Variants in GBP7 observed in about 807,000 individuals in gnomAD.
GBP7 encodes the protein guanylate binding protein 7.
In GBP7, 43 loss-of-function variants were observed where a neutral mutation model predicts 61.3. The observed-to-expected ratio is 0.70, with a 90% confidence interval of 0.55 to 0.91. The LOEUF is 0.91. Ranked by LOEUF, GBP7 falls within the 40% of genes least tolerant of loss-of-function variation. GBP7 has a pLI of 0.00. For synonymous variants in GBP7, 267 were observed against 271.0 expected (o/e 0.99, Z 0.14); for missense variants, 717 against 740.5 (o/e 0.97, Z 0.37).
rs751524020 is a variant in GBP7, at chr1:89,141,625, G to C, written c.1389C>G (p.Phe463Leu). 2.0e-5 allele frequency: 33 copies of C among 1,613,804 alleles called. No individual in the cohort carries two copies. The highest frequency in any genetic ancestry group is 2.7e-5 in the Non-Finnish European group (32 of 1,179,786). Residue 463 changes from phenylalanine to leucine, a missense_variant, in exon 9 of 11, where the codon TTC (phenylalanine) becomes TTG (leucine). By Grantham distance (22) the Phe-to-Leu change is conservative (BLOSUM62 0). Around this residue, in one of 3 missense-constraint regions of GBP7, gnomAD observed 312 missense variants for 310.1 expected, o/e 1.01. Coordinates refer to ENST00000294671, the MANE Select transcript of GBP7 (RefSeq NM_207398.3). Reference sequence around the variant, plus strand: ...CCTCTATAACCACCTGTGACTGCAGGAAGCTCTGGAGGACCTCGTCTGCCT... The same window carrying C: ...CCTCTATAACCACCTGTGACTGCAGCAAGCTCTGGAGGACCTCGTCTGCCT... Reference protein sequence around the residue: ...GVKADEVLQSFLQSQVVIEES... With the variant: ...GVKADEVLQSLLQSQVVIEES...
At chr1:89,149,667 TC>T in intron 6 of GBP7, 95 bp from the exon 7 acceptor site, 4 of 1,076,002 alleles carry the variant, frequency 3.7e-6, no homozygotes, top group Non-Finnish European at 5.2e-6. Flanking sequence ...CAGAAAAAAT[TC>T]CATTTAACAT....
At chr1:89,167,700 A>G (rs1043408648) in intron 2 of GBP7, among the ~76,000 whole-genome samples, 4 of 152,198 alleles carry the variant, frequency 2.6e-5, no homozygotes, top group African/African-American at 9.6e-5. Context: ...CCATTAGAGC[A>G]TCTGCCACAC....
chr1:89,145,909 C>A (rs1682051493), intron 8 of GBP7, among the ~76,000 whole-genome samples: 3 of 151,728 alleles, frequency 2.0e-5, no homozygotes, highest in Non-Finnish European at 4.4e-5. Context: ...AAAAAATCTA[C>A]AGGTTTACAC....
intron 2 of GBP7, among the ~76,000 whole-genome samples, chr1:89,169,367 G>A (rs1013673397): frequency 2.0e-5 from 3 of 152,126 alleles, no homozygotes; most frequent in African/African-American, 7.2e-5. Flanking sequence ...GACTGTTCTT[G>A]CTGTACTTGT....
intron 8 of GBP7, among the ~76,000 whole-genome samples, chr1:89,144,837 A>T (rs1682030169): frequency 6.6e-6 from 1 of 151,992 alleles, no homozygotes. Flanking sequence ...GGCATCCAGA[A>T]CTTACTCATC....
In GBP7 at chr1:89,152,452, C is replaced by G; in HGVS notation, c.441G>C (p.Glu147Asp). ...QALEQLHYVT[E>D]LTELIRAKSC... ...ATTTTGCCCTGATTAGCTCTGTTAGCTCAGTCACGTAGCTGGGATCTCAGC... is the reference window on the plus strand; with the variant it reads ...ATTTTGCCCTGATTAGCTCTGTTAGGTCAGTCACGTAGCTGGGATCTCAGC... Residue 147 changes from glutamate to aspartate, a missense_variant, in exon 5 of 11, where the codon GAG becomes GAC. Coordinates refer to ENST00000294671, the MANE Select transcript of GBP7 (RefSeq NM_207398.3). The G allele has an allele frequency of 2.5e-6, 4 of 1,614,020 alleles. No homozygotes were observed. The highest frequency in any genetic ancestry group is 3.4e-6 in the Non-Finnish European group (4 of 1,179,902).
rs368121775 is a variant in GBP7 at position 89,137,031 on chromosome 1, A to G, written c.1469-3580T>C. Among the ~76,000 whole-genome samples, 24 of 152,234 alleles carry G rather than the reference A, an allele frequency of 1.6e-4. No homozygotes were observed. In the South Asian group the frequency reaches 4.3e-3, roughly 28 times the overall value. On this transcript the variant is annotated intron_variant, in intron 9 of 10. Transcript: ENST00000294671. ...CTGAGAGACTATTATGAACACCACT[A>G]TGCACACTAACTAAGAAACCTAGAA... is the stretch of plus-strand genomic sequence containing the variant.
chr1:89,133,416 G>A lies in GBP7; in HGVS notation c.1504C>T (p.Gln502Ter), dbSNP rs937230676. The change falls in exon 10 of 11, where the codon CAG (glutamine) becomes TAG (stop). Residue 502 changes from glutamine to a stop codon, truncating the protein, a stop_gained. Coordinates refer to ENST00000294671, the MANE Select transcript of GBP7 (RefSeq NM_207398.3). LOFTEE classifies it high-confidence loss of function. ...QAKKEAAEKE[Q>*]ELLRQKQKEQ... ...TTCTGTTTTTGTCTTAGCAGCTCCT[G>A]TTCCTTTTCAGCTGCCTCCTTCTTA... is the stretch of plus-strand genomic sequence containing the variant. The A allele has an allele frequency of 3.2e-5, 51 of 1,613,954 alleles. No individual in the cohort carries two copies. The highest frequency in any genetic ancestry group is 4.2e-5 in the Non-Finnish European group (50 of 1,180,022).
In GBP7 at chr1:89,158,075, G is replaced by A. The variant is rs141329520; in HGVS notation, c.319-5298C>T. Among the ~76,000 whole-genome samples, 328 of 152,216 alleles carry A rather than the reference G, an allele frequency of 2.2e-3. 1 individual carries two copies. Among genetic ancestry groups the A allele is most frequent in the Non-Finnish European group, 3.1e-3 (209 of 68,008 alleles). On this transcript the variant is annotated intron_variant, in intron 3 of 10. Transcript: ENST00000294671. ...GTTCAACACATGCAAATCAATAAACGTAATCCATCATGTAAACAGAACCAA... is the reference window on the plus strand; with the variant it reads ...GTTCAACACATGCAAATCAATAAACATAATCCATCATGTAAACAGAACCAA...
chr1:89,165,156 C>A (rs540892635), intron 2 of GBP7, among the ~76,000 whole-genome samples: 1 of 152,148 alleles, frequency 6.6e-6, no homozygotes, highest in Non-Finnish European at 1.5e-5. Flanking sequence ...TCCTTTCATA[C>A]GTTGGAACTT....
At chr1:89,148,419 T>A (rs1212778846) in intron 7 of GBP7, among the ~76,000 whole-genome samples, 2 of 152,352 alleles carry the variant, frequency 1.3e-5, no homozygotes, top group African/African-American at 2.4e-5. Flanking sequence ...GTCCCTGGGC[T>A]TATTAATATG....
At chr1:89,170,511 C>T (rs1570363972) in intron 2 of GBP7, among the ~76,000 whole-genome samples, 1 of 152,302 alleles carries the variant, frequency 6.6e-6, no homozygotes, top group East Asian at 1.9e-4. Context: ...TTGAAAATGA[C>T]TCCCAGTCAC....
intron 9 of GBP7, among the ~76,000 whole-genome samples, chr1:89,136,684 A>G (rs1681809444): frequency 6.6e-6 from 1 of 152,214 alleles, no homozygotes; most frequent in Non-Finnish European, 1.5e-5. Flanking sequence ...TAATAGCACT[A>G]AACGACTACA....
chr1:89,137,346 C>T (rs1681829815), intron 9 of GBP7, among the ~76,000 whole-genome samples: 1 of 151,900 alleles, frequency 6.6e-6, no homozygotes. Flanking sequence ...GGCAGAGACA[C>T]AACAAAAAAA....
chr1:89,133,578 T>A, intron 9 of GBP7, 127 bp from the exon 10 acceptor site: 1 of 720,868 alleles, frequency 1.4e-6, no homozygotes, highest in South Asian at 1.8e-5. Flanking sequence ...AGAAGACTGA[T>A]AAACTCCAAG....
chr1:89,166,798 AAAC>A, intron 2 of GBP7, among the ~76,000 whole-genome samples: 1 of 152,222 alleles, frequency 6.6e-6, no homozygotes, highest in South Asian at 2.1e-4. Context: ...TCCTAACTGT[AAAC>A]TTGCAAGTGG....
chr1:89,137,314 A>T (rs759660162), intron 9 of GBP7, among the ~76,000 whole-genome samples: 16 of 152,138 alleles, frequency 1.1e-4, no homozygotes, highest in Non-Finnish European at 2.1e-4. Flanking sequence ...TGAGGCCAGC[A>T]TCATTCTGAT....
rs756888381 is a variant in GBP7 at position 89,147,530 on chromosome 1, C to T, written c.1365+37G>A. The T allele has an allele frequency of 7.9e-6, 12 of 1,527,892 alleles. No individual in the cohort carries two copies. The African/African-American group carries it at 9.6e-5, about 12-fold the overall frequency. 94.6% of individuals were successfully genotyped at this position (1,527,892 alleles called of 1,614,324 possible). On this transcript the variant is annotated intron_variant, in intron 8 of 10. Coordinates refer to ENST00000294671, the MANE Select transcript of GBP7 (RefSeq NM_207398.3). ...GAGGCAACGAAGACCCTCTGACTAT[C>T]CTCTGTCATCCATCCCCTTCTCCCC...
intron 1 of GBP7, among the ~76,000 whole-genome samples, chr1:89,174,581 C>T (rs1647690338): frequency 6.6e-6 from 1 of 152,164 alleles, no homozygotes. Flanking sequence ...TACTTTGAAA[C>T]ATAGATACCA....
Sources: allele counts gnomAD v4.1 joint callset (sites outside exome capture counted in the v4.1 genomes callset), GRCh38; gene constraint gnomAD v4.1.1; regional missense constraint gnomAD v4.1.1; transcripts MANE v1.5; gene names NCBI Gene and HGNC (gene_info 2026-07-23, HGNC 2026-07-21).